The following NAALADL2 variants were observed in gnomAD, a reference collection of about 807,000 sequenced individuals.
NAALADL2 encodes the protein N-acetylated alpha-linked acidic dipeptidase like 2.
NAALADL2 carries 76 observed loss-of-function variants against 87.2 expected under a neutral mutation model. The ratio of observed to expected loss-of-function variants is 0.87; its 90% CI spans 0.72 to 1.05. The LOEUF is 1.05. NAALADL2 is among the 50% of genes least tolerant of loss of function. The pLI, the probability that NAALADL2 is intolerant of heterozygous loss-of-function variation, is 0.00. For synonymous variants in NAALADL2, 354 were observed against 331.0 expected, an observed-to-expected ratio of 1.07 and a Z score of -0.75; for missense variants, 1,089 against 945.8, an observed-to-expected ratio of 1.15 and a Z score of -1.99.
chr3:174,700,429 G>C (rs1277131852), intron 2 of NAALADL2, among the ~76,000 whole-genome samples: 3 of 151,990 alleles, frequency 2.0e-5, no homozygotes, highest in Admixed American at 1.3e-4. Flanking sequence ...AAATTATCAT[G>C]GAACTAATTC....
intron 11 of NAALADL2, among the ~76,000 whole-genome samples, chr3:175,734,189 T>C (rs193234280): frequency 1.4e-4 from 21 of 152,288 alleles, no homozygotes; most frequent in Non-Finnish European, 2.8e-4. Context: ...GCAGAGGTTC[T>C]CCATGATGGC....
At chr3:175,671,500 G>A (rs541713011) in intron 11 of NAALADL2, among the ~76,000 whole-genome samples, 3 of 151,964 alleles carry the variant, frequency 2.0e-5, no homozygotes, top group East Asian at 3.9e-4. Context: ...GTTATATGTT[G>A]AGAAAATGAA....
intron 2 of NAALADL2, among the ~76,000 whole-genome samples, chr3:175,136,482 A>G (rs192328472): frequency 6.6e-6 from 1 of 152,174 alleles, no homozygotes; most frequent in Non-Finnish European, 1.5e-5. Context: ...TGTCCCAGGT[A>G]TAGGTTGAAG....
At position 175,721,221 on chromosome 3, in the gene NAALADL2, G is replaced by A. The variant is rs752670437; in HGVS notation, c.1897-16085G>A. 3.2e-4 allele frequency among the ~76,000 whole-genome samples: 48 copies of A among 151,644 alleles called. 1 individual carries two copies. The highest frequency in any genetic ancestry group is 1.9e-4 in the East Asian group (1 of 5,170). On this transcript the variant is annotated intron_variant, in intron 11 of 13. Transcript: ENST00000454872. ...ATTTAATGTGCCCAACCTAATAAAC[G>A]AAAAGTAAAAATAGAATATACAATT...
chr3:174,670,237 T>C (rs1434061517), intron 2 of NAALADL2, among the ~76,000 whole-genome samples: 1 of 151,912 alleles, frequency 6.6e-6, no homozygotes, highest in Non-Finnish European at 1.5e-5. Flanking sequence ...TTTCTTTTTT[T>C]CTCCTAGTTG....
chr3:174,945,895 T>A (rs533446538), intron 1 of NAALADL2, among the ~76,000 whole-genome samples: 2 of 151,486 alleles, frequency 1.3e-5, no homozygotes, highest in East Asian at 3.9e-4. Context: ...AAATACAAAA[T>A]ATTAGCCAGG....
intron 1 of NAALADL2, among the ~76,000 whole-genome samples, chr3:174,874,284 A>T (rs1446233993): frequency 6.6e-6 from 1 of 152,160 alleles, no homozygotes; most frequent in East Asian, 1.9e-4. Flanking sequence ...CCAAATTCTC[A>T]TCATGAATTT....
chr3:175,314,275 G>T (rs945841185), intron 4 of NAALADL2, among the ~76,000 whole-genome samples: 5 of 151,370 alleles, frequency 3.3e-5, no homozygotes, highest in Non-Finnish European at 7.4e-5. Flanking sequence ...TTAGTATGGT[G>T]CCCTGCAAGA....
intron 10 of NAALADL2, among the ~76,000 whole-genome samples, chr3:175,601,645 T>C (rs1348930121): frequency 6.6e-6 from 1 of 152,160 alleles, no homozygotes; most frequent in Non-Finnish European, 1.5e-5. Flanking sequence ...ATATTTATTG[T>C]TCTAGGTAAA....
At chr3:175,174,809 G>A (rs1307247266) in intron 2 of NAALADL2, among the ~76,000 whole-genome samples, 3 of 144,940 alleles carry the variant, frequency 2.1e-5, no homozygotes, top group Admixed American at 1.4e-4. Flanking sequence ...GTGTGTGTGT[G>A]CGCTATATAT....
chr3:174,999,655 T>G (rs145253847), intron 1 of NAALADL2, among the ~76,000 whole-genome samples: 1 of 152,344 alleles, frequency 6.6e-6, no homozygotes, highest in East Asian at 1.9e-4. Context: ...TAAATACAGT[T>G]GTAAGTCCTG....
chr3:174,832,740 A>G (rs1459951086), intron 3 of NAALADL2, among the ~76,000 whole-genome samples: 2 of 152,154 alleles, frequency 1.3e-5, no homozygotes, highest in East Asian at 3.9e-4. Flanking sequence ...TGCTGGGATT[A>G]CAGGCGTGAG....
intron 13 of NAALADL2, among the ~76,000 whole-genome samples, chr3:175,770,604 A>C (rs1312316206): frequency 6.6e-6 from 1 of 152,220 alleles, no homozygotes; most frequent in Non-Finnish European, 1.5e-5. Context: ...GGGAGGAAAC[A>C]TGGCCAAATA....
intron 2 of NAALADL2, among the ~76,000 whole-genome samples, chr3:174,648,979 T>G (rs1050009846): frequency 6.6e-6 from 1 of 152,140 alleles, no homozygotes; most frequent in African/African-American, 2.4e-5. Context: ...GTTGTTGTTT[T>G]GAGATGGAGT....
At chr3:175,002,923 C>T (rs1459176137) in intron 1 of NAALADL2, among the ~76,000 whole-genome samples, 1 of 152,074 alleles carries the variant, frequency 6.6e-6, no homozygotes, top group African/African-American at 2.4e-5. Context: ...ACAGGCAAAA[C>T]CTTGCATCCT....
At chr3:175,320,270 CTT>C (rs1191685216) in intron 4 of NAALADL2, among the ~76,000 whole-genome samples, 1 of 152,034 alleles carries the variant, frequency 6.6e-6, no homozygotes, top group Non-Finnish European at 1.5e-5. Context: ...TAAAAAGAAA[CTT>C]AGTATATTGT....
intron 10 of NAALADL2, among the ~76,000 whole-genome samples, chr3:175,595,683 G>A (rs1722159898): frequency 6.6e-6 from 1 of 151,820 alleles, no homozygotes; most frequent in African/African-American, 2.4e-5. Flanking sequence ...AGCTGCCCAA[G>A]GAAGTGAAAG....
Position 175,140,250 on chromosome 3 carries a change from A to T in NAALADL2, c.545+42959A>T, listed in dbSNP as rs572027935. Among the ~76,000 whole-genome samples the T allele has an allele frequency of 8.5e-5, 13 of 152,278 alleles. No homozygotes were observed. The East Asian group carries it at 2.5e-3, about 29-fold the overall frequency. On this transcript the variant is annotated intron_variant, in intron 2 of 13. Transcript: ENST00000454872. ...TAAATCAGTTCTGGACCTCAGTAAT[A>T]GGTGTAAGTTATAATGGTAACCATC... is the stretch of plus-strand genomic sequence containing the variant.
At chr3:175,129,590 T>C (rs1177967581) in intron 2 of NAALADL2, among the ~76,000 whole-genome samples, 1 of 152,218 alleles carries the variant, frequency 6.6e-6, no homozygotes. Context: ...TCACTTAGCA[T>C]AGTTTTTCAG....
Sources: gnomAD v4.1 joint callset for allele counts (sites outside exome capture counted in the v4.1 genomes callset) on GRCh38, gnomAD v4.1.1 for gene constraint, MANE v1.5 for transcripts, NCBI Gene and HGNC (gene_info 2026-07-23, HGNC 2026-07-21) for gene names.